ALK: variants seen among roughly 807,000 people sequenced by gnomAD.
ALK encodes the protein ALK receptor tyrosine kinase, also known as ALK tyrosine kinase receptor.
A neutral mutation model predicts 163.1 loss-of-function variants in ALK; 74 were observed. The ratio of observed to expected loss-of-function variants is 0.45; its 90% CI spans 0.38 to 0.55. The LOEUF (loss-of-function observed/expected upper bound fraction) is 0.55, where lower values mean the gene tolerates loss of function less well. Among genes scored for constraint, ALK ranks in the 20% least tolerant of loss-of-function variants. The pLI is 0.00. For synonymous variants in ALK, 960 were observed against 843.2 expected (o/e 1.14, Z -2.40); for missense variants, 2,063 against 2,105.3 (o/e 0.98, Z 0.39).
At chr2:29,517,075 TG>T (rs1672689365) in intron 4 of ALK, among the ~76,000 whole-genome samples, 1 of 152,238 alleles carries the variant, frequency 6.6e-6, no homozygotes, top group Non-Finnish European at 1.5e-5. Context: ...TTTTGGACTT[TG>T]GGGACCCCAC....
At chr2:29,840,648 C>G (rs564975983) in intron 1 of ALK, among the ~76,000 whole-genome samples, 1 of 152,278 alleles carries the variant, frequency 6.6e-6, no homozygotes, top group Non-Finnish European at 1.5e-5. Context: ...TGCAGTATGG[C>G]TATATGAGAT....
At chr2:29,584,148 G>A (rs1008109655) in intron 3 of ALK, among the ~76,000 whole-genome samples, 3 of 152,100 alleles carry the variant, frequency 2.0e-5, no homozygotes, top group Non-Finnish European at 4.4e-5. Flanking sequence ...ACTGAGGGGG[G>A]CCTCTATGAG....
chr2:29,484,380 T>G (rs982185554), intron 4 of ALK, among the ~76,000 whole-genome samples: 3 of 152,172 alleles, frequency 2.0e-5, no homozygotes, highest in African/African-American at 7.2e-5. Flanking sequence ...CACACACATA[T>G]ATAAACACAC....
intron 1 of ALK, among the ~76,000 whole-genome samples, chr2:29,775,744 A>G (rs1681158422): frequency 6.6e-6 from 1 of 152,246 alleles, no homozygotes; most frequent in Admixed American, 6.5e-5. Flanking sequence ...GTACCTGTCC[A>G]TAGCCTATTG....
chr2:29,376,936 G>C (rs1002543207), intron 5 of ALK, among the ~76,000 whole-genome samples: 1 of 152,158 alleles, frequency 6.6e-6, no homozygotes, highest in Non-Finnish European at 1.5e-5. Flanking sequence ...GAGAGAGAGG[G>C]GGACAAGGTT....
chr2:29,262,685 C>A (rs553531253), intron 11 of ALK, among the ~76,000 whole-genome samples: 1 of 152,348 alleles, frequency 6.6e-6, no homozygotes, highest in South Asian at 2.1e-4. Flanking sequence ...TCCCTCCCTG[C>A]GGAAGGCAGA....
chr2:29,577,254 C>G (rs1172538082), intron 3 of ALK, among the ~76,000 whole-genome samples: 2 of 152,152 alleles, frequency 1.3e-5, no homozygotes, highest in Admixed American at 1.3e-4. Context: ...GCCCTTCACT[C>G]TCTTTGAGTC....
intron 4 of ALK, among the ~76,000 whole-genome samples, chr2:29,528,692 A>G (rs1673028543): frequency 6.6e-6 from 1 of 152,124 alleles, no homozygotes; most frequent in Non-Finnish European, 1.5e-5. Context: ...ATTAGTGCCA[A>G]TGATAGCCAG....
In ALK at chr2:29,340,876, C is replaced by A. The variant is rs1412474917; in HGVS notation, c.1283-12395G>T. Reference sequence around the variant, plus strand: ...CCTCTAATCCAAATCACAGATACATCGTCTCTCCTTTCCTTGCTACCTGTA... The same window carrying A: ...CCTCTAATCCAAATCACAGATACATAGTCTCTCCTTTCCTTGCTACCTGTA... On this transcript the variant is annotated intron_variant, in intron 5 of 28. Coordinates refer to ENST00000389048, the MANE Select transcript of ALK (RefSeq NM_004304.5). Among the ~76,000 whole-genome samples the A allele has an allele frequency of 4.6e-5, 7 of 152,122 alleles. No homozygotes were observed. The South Asian group carries it at 1.5e-3, about 32-fold the overall frequency.
Position 29,698,761 on chromosome 2 carries a change from G to A in ALK, c.788-3747C>T, listed in dbSNP as rs190442810. 2.3e-3 allele frequency among the ~76,000 whole-genome samples: 345 copies of A among 152,330 alleles called. 1 individual carries two copies. The highest frequency in any genetic ancestry group is 7.5e-3 in the African/African-American group (313 of 41,572). On this transcript the variant is annotated intron_variant, in intron 2 of 28. Coordinates refer to ENST00000389048, the MANE Select transcript of ALK (RefSeq NM_004304.5). The stretch of plus-strand genomic sequence containing the variant: ...GCCTAGTAAAACAGGCTATGCAAAT[G>A]TACCGATTAAAATGCGTTCCTTCTG...
intron 4 of ALK, among the ~76,000 whole-genome samples, chr2:29,507,846 G>A (rs1672378313): frequency 6.6e-6 from 1 of 152,164 alleles, no homozygotes; most frequent in South Asian, 2.1e-4. Context: ...TGATGTATCT[G>A]AAGGCCTGTT....
chr2:29,841,177 C>T (rs1665688252), intron 1 of ALK, among the ~76,000 whole-genome samples: 1 of 152,142 alleles, frequency 6.6e-6, no homozygotes, highest in African/African-American at 2.4e-5. Flanking sequence ...ACTCCCACTA[C>T]CCTAACATTA....
intron 22 of ALK, among the ~76,000 whole-genome samples, chr2:29,221,420 T>G (rs1292983446): frequency 6.6e-6 from 1 of 152,060 alleles, no homozygotes; most frequent in Non-Finnish European, 1.5e-5. Context: ...TGGGCCAACA[T>G]GCATGTGTGT....
chr2:29,589,701 C>T (rs186844606), intron 3 of ALK, among the ~76,000 whole-genome samples: 147 of 152,302 alleles, frequency 9.7e-4, no homozygotes, highest in African/African-American at 3.4e-3. Flanking sequence ...GGGGCCTTCT[C>T]GTTCATGGTT....
At chr2:29,619,063 T>A (rs138444790) in intron 3 of ALK, among the ~76,000 whole-genome samples, 2 of 151,788 alleles carry the variant, frequency 1.3e-5, no homozygotes, top group Non-Finnish European at 2.9e-5. Flanking sequence ...ATTAAGAAAA[T>A]GATTATATAA....
At chr2:29,842,316 A>C (rs1169354312) in intron 1 of ALK, among the ~76,000 whole-genome samples, 5 of 152,198 alleles carry the variant, frequency 3.3e-5, no homozygotes, top group African/African-American at 4.8e-5. Flanking sequence ...TCAAGTAACA[A>C]GGGATTTATT....
At chr2:29,621,566 G>A (rs1047732430) in intron 3 of ALK, among the ~76,000 whole-genome samples, 10 of 152,186 alleles carry the variant, frequency 6.6e-5, no homozygotes, top group Non-Finnish European at 1.5e-4. Context: ...TGGACAGTGG[G>A]ACAAAAGGTG....
At chr2:29,482,891 C>T (rs1030240538) in intron 4 of ALK, among the ~76,000 whole-genome samples, 4 of 152,012 alleles carry the variant, frequency 2.6e-5, no homozygotes, top group African/African-American at 7.3e-5. Context: ...CATGAAGGGG[C>T]GATAGGAGGC....
chr2:29,461,617 G>T (rs539723288), intron 4 of ALK, among the ~76,000 whole-genome samples: 3 of 152,116 alleles, frequency 2.0e-5, no homozygotes, highest in African/African-American at 7.2e-5. Flanking sequence ...TAAGTCCACT[G>T]TTCAGACCTA....
Sources: gnomAD v4.1 joint callset for allele counts (sites outside exome capture counted in the v4.1 genomes callset) on GRCh38, gnomAD v4.1.1 for gene constraint, MANE v1.5 for transcripts, NCBI Gene and HGNC (gene_info 2026-07-23, HGNC 2026-07-21) for gene names.